PLD5: variants seen among roughly 807,000 people sequenced by gnomAD.
The protein encoded by PLD5 is inactive phospholipase D5.
In PLD5, 36 loss-of-function variants were observed where a neutral mutation model predicts 61.1. The ratio of observed to expected loss-of-function variants is 0.59; its 90% CI spans 0.45 to 0.78. PLD5 has a LOEUF of 0.78. Among genes scored for constraint, PLD5 ranks in the 30% least tolerant of loss-of-function variants. The pLI is 0.00. For synonymous variants in PLD5, 243 were observed against 242.8 expected, an observed-to-expected ratio of 1.00 and a Z score of -0.01; for missense variants, 515 against 644.4, an observed-to-expected ratio of 0.80 and a Z score of 2.17.
At chr1:242,132,481 A>T (rs1175680445) in intron 5 of PLD5, among the ~76,000 whole-genome samples, 1 of 152,188 alleles carries the variant, frequency 6.6e-6, no homozygotes, top group Non-Finnish European at 1.5e-5. Flanking sequence ...AATTTTCTTG[A>T]CAAAGACAAA....
At chr1:242,212,506 A>G (rs1669892924) in intron 5 of PLD5, among the ~76,000 whole-genome samples, 1 of 152,216 alleles carries the variant, frequency 6.6e-6, no homozygotes, top group Admixed American at 6.5e-5. Context: ...CCTGCATAGT[A>G]GCAACGCAAT....
chr1:242,337,366 C>T (rs1396481088), intron 2 of PLD5, among the ~76,000 whole-genome samples: 1 of 65,032 alleles, frequency 1.5e-5, no homozygotes, highest in African/African-American at 4.4e-5. Flanking sequence ...TGTGATGGCT[C>T]ACACCTGTAA....
At chr1:242,267,950 CAG>C (rs544126035) in intron 3 of PLD5, among the ~76,000 whole-genome samples, 30 of 150,364 alleles carry the variant, frequency 2.0e-4, no homozygotes, top group African/African-American at 6.8e-4. Context: ...CAGAGGCAAC[CAG>C]AGAGACAGAG....
intron 2 of PLD5, among the ~76,000 whole-genome samples, chr1:242,305,107 A>G (rs1676272840): frequency 6.6e-6 from 1 of 152,186 alleles, no homozygotes; most frequent in Non-Finnish European, 1.5e-5. Flanking sequence ...CCCTTTCTCA[A>G]AAAATAAAAT....
At chr1:242,216,198 C>G (rs574065747) in intron 5 of PLD5, among the ~76,000 whole-genome samples, 1 of 152,116 alleles carries the variant, frequency 6.6e-6, no homozygotes, top group South Asian at 2.1e-4. Context: ...ACAGCAATGA[C>G]CGCCTTGCCC....
intron 1 of PLD5, among the ~76,000 whole-genome samples, chr1:242,350,855 C>T (rs1660433412): frequency 6.6e-6 from 1 of 152,000 alleles, no homozygotes; most frequent in African/African-American, 2.4e-5. Context: ...ATTCTTTTAC[C>T]CTAGACCCTG....
At position 242,216,072 on chromosome 1, in the gene PLD5, C is replaced by T. The variant is rs555620784; in HGVS notation, c.735+3916G>A. Among the ~76,000 whole-genome samples, 25 of 152,296 alleles carry T rather than the reference C, an allele frequency of 1.6e-4. 1 individual carries two copies. In the South Asian group the frequency reaches 5.0e-3, roughly 30 times the overall value. ...GGGGTTCCTTAGTAACAGCACACAT[C>T]AAACTGAAGTGCCAAGTAATGCTGC... On this transcript the variant is annotated intron_variant, in intron 5 of 9. Coordinates refer to ENST00000536534, the MANE Select transcript of PLD5 (RefSeq NM_001372062.1).
intron 4 of PLD5, among the ~76,000 whole-genome samples, chr1:242,225,956 T>G (rs985384998): frequency 2.0e-5 from 3 of 152,206 alleles, no homozygotes; most frequent in African/African-American, 7.2e-5. Context: ...ACTGCCAAAC[T>G]GTTTACCCAA....
At chr1:242,506,335 T>C (rs1668718737) in intron 1 of PLD5, among the ~76,000 whole-genome samples, 1 of 152,200 alleles carries the variant, frequency 6.6e-6, no homozygotes, top group African/African-American at 2.4e-5. Flanking sequence ...TGGGCTGTGA[T>C]ACTCTCACTT....
At chr1:242,518,617 G>T (rs1175054310) in intron 1 of PLD5, among the ~76,000 whole-genome samples, 2 of 152,158 alleles carry the variant, frequency 1.3e-5, no homozygotes, top group Admixed American at 6.5e-5. Context: ...GATAGTTATA[G>T]AAGTCTATAG....
intron 1 of PLD5, among the ~76,000 whole-genome samples, chr1:242,516,279 T>C (rs939842419): frequency 2.3e-4 from 15 of 64,562 alleles, no homozygotes; most frequent in Admixed American, 1.8e-3. Context: ...TATATATATA[T>C]ACATATTCTT....
At position 242,133,206 on chromosome 1, in the gene PLD5, A is replaced by T. The variant is rs968554424; in HGVS notation, c.736-8541T>A. 3.9e-5 allele frequency among the ~76,000 whole-genome samples: 6 copies of T among 152,062 alleles called. 1 individual carries two copies. The highest frequency in any genetic ancestry group is 1.4e-4 in the African/African-American group (6 of 41,396). On this transcript the variant is annotated intron_variant, in intron 5 of 9. Coordinates refer to ENST00000536534, the MANE Select transcript of PLD5 (RefSeq NM_001372062.1). ...AGCCTCTGATTGGTCACCCTCCCCAACCAATCAGACATTTGCATAGGGTAT... is the reference window on the plus strand; with the variant it reads ...AGCCTCTGATTGGTCACCCTCCCCATCCAATCAGACATTTGCATAGGGTAT...
At chr1:242,110,131 G>A (rs1051151618) in intron 7 of PLD5, among the ~76,000 whole-genome samples, 16 of 150,284 alleles carry the variant, frequency 1.1e-4, no homozygotes, top group African/African-American at 3.9e-4. Flanking sequence ...GACCTTTAGA[G>A]GTGCAATGAT....
chr1:242,289,516 CTTTT>C (rs914016284), intron 2 of PLD5, among the ~76,000 whole-genome samples: 3 of 151,784 alleles, frequency 2.0e-5, no homozygotes, highest in African/African-American at 4.8e-5. Flanking sequence ...GCCTGGCTAA[CTTTT>C]TTTTGTGTTT....
intron 1 of PLD5, among the ~76,000 whole-genome samples, chr1:242,359,602 G>A (rs1456551428): frequency 2.6e-5 from 4 of 152,190 alleles, no homozygotes; most frequent in Non-Finnish European, 1.5e-5. Context: ...AAACACCACA[G>A]TGAACTGTTT....
chr1:242,409,074 AAG>A (rs1354330630), intron 1 of PLD5, among the ~76,000 whole-genome samples: 230 of 112,014 alleles, frequency 2.1e-3, no homozygotes, highest in South Asian at 0.014. Context: ...TCAAAAAAAA[AAG>A]AAAAGAAAAG....
At chr1:242,135,461 C>G (rs1663641556) in intron 5 of PLD5, among the ~76,000 whole-genome samples, 1 of 152,198 alleles carries the variant, frequency 6.6e-6, no homozygotes, top group Non-Finnish European at 1.5e-5. Context: ...ACTTGCCATT[C>G]TCTGCTGCTG....
chr1:242,254,613 T>A (rs2840617), intron 4 of PLD5, among the ~76,000 whole-genome samples: 100,637 of 151,718 alleles, frequency 0.66, 34,373 homozygotes, highest in Non-Finnish European at 0.74. Context: ...GAGGTTGCAG[T>A]GAGCCAATAT....
chr1:242,528,760 G>A (rs142970016), upstream of PLD5, among the ~76,000 whole-genome samples: 1 of 152,284 alleles, frequency 6.6e-6, no homozygotes, highest in African/African-American at 2.4e-5. Flanking sequence ...AAGTCAGAGA[G>A]TCTGGTCAAA....
Sources: gnomAD v4.1 joint callset for allele counts (sites outside exome capture counted in the v4.1 genomes callset) on GRCh38, gnomAD v4.1.1 for gene constraint, MANE v1.5 for transcripts, NCBI Gene and HGNC (gene_info 2026-07-23, HGNC 2026-07-21) for gene names.